LMX1B: variants seen among roughly 807,000 people sequenced by gnomAD.
The protein encoded by LMX1B is LIM homeobox transcription factor 1-beta.
In LMX1B, 12 loss-of-function variants were observed where a neutral mutation model predicts 51.4. The ratio of observed to expected loss-of-function variants is 0.23; its 90% CI spans 0.15 to 0.38. The LOEUF is 0.38. Among genes scored for constraint, LMX1B ranks in the 10% least tolerant of loss-of-function variants. LMX1B has a pLI of 1.00. For synonymous variants in LMX1B, 237 were observed against 235.4 expected (o/e 1.01, Z -0.06); for missense variants, 445 against 571.1 (o/e 0.78, Z 2.25).
At chr9:126,629,823 C>T (rs1036637859) in intron 2 of LMX1B, among the ~76,000 whole-genome samples, 2 of 151,826 alleles carry the variant, frequency 1.3e-5, no homozygotes, top group South Asian at 4.2e-4. Context: ...CTTCAGATGG[C>T]ACCCTAGATC....
intron 2 of LMX1B, among the ~76,000 whole-genome samples, chr9:126,634,608 C>CG (rs1554723542): frequency 6.6e-6 from 1 of 152,064 alleles, no homozygotes; most frequent in Non-Finnish European, 1.5e-5. Context: ...GCACACCCCC[C>CG]CCACAATGCC....
rs1835276268 is a variant in LMX1B, at chr9:126,615,093, T to A, written c.140-290T>A. On this transcript the variant is annotated intron_variant, in intron 1 of 7. Transcript: ENST00000373474. The surrounding 1 kb of genome is among the most constrained non-coding windows in gnomAD (Gnocchi z 6.0). ...CCCAGCCGGCCACCCTGCGCCGTGC[T>A]CGTTGTCATTTGTCTTAACACGGAG... Among the ~76,000 whole-genome samples, 1 of 151,962 alleles carries A rather than the reference T, an allele frequency of 6.6e-6. No individual in the cohort carries two copies. Among genetic ancestry groups the A allele is most frequent in the Non-Finnish European group, 1.5e-5 (1 of 67,970 alleles).
intron 2 of LMX1B, among the ~76,000 whole-genome samples, chr9:126,643,985 A>G (rs1835854046): frequency 1.3e-5 from 2 of 152,218 alleles, no homozygotes; most frequent in Non-Finnish European, 2.9e-5. Flanking sequence ...AAAGTGGCAG[A>G]ACTAGAAACA....
intron 2 of LMX1B, among the ~76,000 whole-genome samples, chr9:126,624,765 C>A (rs747019704): frequency 1.3e-5 from 2 of 151,164 alleles, no homozygotes; most frequent in Admixed American, 6.6e-5. Context: ...AGATTTCGAA[C>A]AAAGACAGTT....
chr9:126,671,133 C>T lies in LMX1B; in HGVS notation c.327-19703C>T, dbSNP rs1836441228. On this transcript the variant is annotated intron_variant, in intron 2 of 7. Transcript: ENST00000373474. This position sits in a 1 kb window ranked among gnomAD's most constrained non-coding sequence, Gnocchi z 4.4. ...AGAGTTTGGCACCCAGGCACAGCCC[C>T]ATGCCCAGCTCACCAGCCGTTGGCA... Among the ~76,000 whole-genome samples the T allele has an allele frequency of 6.6e-6, 1 of 152,168 alleles. No homozygotes were observed. Among genetic ancestry groups the T allele is most frequent in the African/African-American group, 2.4e-5 (1 of 41,444 alleles).
In LMX1B at chr9:126,693,132, T is replaced by TC. The variant is rs1202153386; in HGVS notation, c.560-5dup. On this transcript the variant is annotated splice_polypyrimidine_tract_variant and intron_variant, in intron 3 of 7. Transcript: ENST00000373474. ...CCCCTTCATCACAGGCCGGGTTGTG[T>TC]CCCCCACAGTGAAGAGCGAGGATGA... 6.4e-7 allele frequency: 1 copy of TC among 1,560,986 alleles called. No individual in the cohort carries two copies. Among genetic ancestry groups the TC allele is most frequent in the African/African-American group, 1.4e-5 (1 of 73,484 alleles).
chr9:126,680,448 G>A (rs1836651658), intron 2 of LMX1B, among the ~76,000 whole-genome samples: 1 of 152,198 alleles, frequency 6.6e-6, no homozygotes, highest in Admixed American at 6.5e-5. Flanking sequence ...CAGAGGAGGA[G>A]TCCATGGGCA....
At chr9:126,629,368 A>G (rs1017568485) in intron 2 of LMX1B, among the ~76,000 whole-genome samples, 25 of 152,236 alleles carry the variant, frequency 1.6e-4, no homozygotes, top group African/African-American at 6.0e-4. Context: ...TCCATCAGGC[A>G]CTGCTCTCAG....
At chr9:126,630,989 G>A (rs1320079041) in intron 2 of LMX1B, among the ~76,000 whole-genome samples, 3 of 152,268 alleles carry the variant, frequency 2.0e-5, no homozygotes, top group East Asian at 1.9e-4. Flanking sequence ...GGCCTGTGGT[G>A]AGGGCTCGGC....
chr9:126,644,125 C>T (rs1286123605), intron 2 of LMX1B, among the ~76,000 whole-genome samples: 3 of 152,168 alleles, frequency 2.0e-5, no homozygotes, highest in Non-Finnish European at 4.4e-5. Flanking sequence ...TGCCAGGTAA[C>T]GGGGCTGGTG....
intron 2 of LMX1B, among the ~76,000 whole-genome samples, chr9:126,646,849 T>C (rs1186404239): frequency 1.3e-5 from 2 of 152,130 alleles, no homozygotes; most frequent in African/African-American, 4.8e-5. Flanking sequence ...CTAAGGTACA[T>C]TGAACAACCG....
At chr9:126,636,141 CTCCTTTCT>C (rs1354531462) in intron 2 of LMX1B, among the ~76,000 whole-genome samples, 2 of 152,228 alleles carry the variant, frequency 1.3e-5, no homozygotes, top group Admixed American at 1.3e-4. Context: ...TCCTCCCTTC[CTCCTTTCT>C]GATATTTGCT....
At chr9:126,674,864 T>A (rs1441499986) in intron 2 of LMX1B, among the ~76,000 whole-genome samples, 1 of 152,174 alleles carries the variant, frequency 6.6e-6, no homozygotes, top group Non-Finnish European at 1.5e-5. Context: ...CCACAAATGA[T>A]CTTTAAAAAA....
At chr9:126,684,746 A>AC (rs150447700) in intron 2 of LMX1B, among the ~76,000 whole-genome samples, 5,406 of 151,828 alleles carry the variant, frequency 0.036, 265 homozygotes, top group African/African-American at 0.11. Flanking sequence ...CAAACATGGT[A>AC]CCCCCCGTGG....
At chr9:126,659,290 G>C (rs558490872) in intron 2 of LMX1B, among the ~76,000 whole-genome samples, 4 of 152,230 alleles carry the variant, frequency 2.6e-5, no homozygotes, top group Non-Finnish European at 5.9e-5. Context: ...TGGGCAGAAC[G>C]TGTCCAGGGG....
chr9:126,659,301 C>T (rs1836181980), intron 2 of LMX1B, among the ~76,000 whole-genome samples: 1 of 152,358 alleles, frequency 6.6e-6, no homozygotes, highest in South Asian at 2.1e-4. Context: ...TGTCCAGGGG[C>T]ACTGCTGACC....
chr9:126,679,464 C>T (rs1393300911), intron 2 of LMX1B, among the ~76,000 whole-genome samples: 2 of 140,446 alleles, frequency 1.4e-5, no homozygotes, highest in African/African-American at 5.5e-5. Flanking sequence ...TGCATGCATG[C>T]GTGGATGTTT....
chr9:126,682,142 G>T (rs1489526140), intron 2 of LMX1B, among the ~76,000 whole-genome samples: 1 of 126,420 alleles, frequency 7.9e-6, no homozygotes, highest in African/African-American at 3.1e-5. Flanking sequence ...TGCCCAGGCT[G>T]ATCTCAAACT....
At position 126,614,061 on chromosome 9, in the gene LMX1B, C is replaced by A. The variant is rs1232779392; in HGVS notation, c.-389C>A. On this transcript the variant is annotated 5_prime_UTR_variant, in exon 1 of 8. Coordinates refer to ENST00000373474, the MANE Select transcript of LMX1B (RefSeq NM_001174147.2). ...TGCGCCGCGCGCCCCCCCCGCGGCC[C>A]GCGGGGCCGCCCCTGCACCCCCACC... is the stretch of plus-strand genomic sequence containing the variant. Among the ~76,000 whole-genome samples the A allele has an allele frequency of 7.4e-6, 1 of 134,442 alleles. No homozygotes were observed. Among genetic ancestry groups the A allele is most frequent in the East Asian group, 2.2e-4 (1 of 4,456 alleles). 88.2% of individuals were successfully genotyped at this position (134,442 alleles called of 152,430 possible).
Sources: allele counts gnomAD v4.1 joint callset (sites outside exome capture counted in the v4.1 genomes callset), GRCh38; gene constraint gnomAD v4.1.1; non-coding constraint Gnocchi (gnomAD v3.1); transcripts MANE v1.5; gene names NCBI Gene and HGNC (gene_info 2026-07-23, HGNC 2026-07-21).